GLRA1: variants seen among roughly 807,000 people sequenced by gnomAD.
GLRA1 encodes glycine receptor alpha 1.
In GLRA1, 37 loss-of-function variants were observed where a neutral mutation model predicts 48.3. The ratio of observed to expected loss-of-function variants is 0.77; its 90% CI spans 0.59 to 1.01. The LOEUF (loss-of-function observed/expected upper bound fraction) is 1.01. GLRA1 is among the 50% of genes least tolerant of loss of function. GLRA1 has a pLI of 0.00. For synonymous variants in GLRA1, 196 were observed against 210.7 expected, an observed-to-expected ratio of 0.93 and a Z score of 0.60; for missense variants, 427 against 571.0, an observed-to-expected ratio of 0.75 and a Z score of 2.57.
intron 1 of GLRA1, among the ~76,000 whole-genome samples, chr5:151,904,330 C>T (rs545271741): frequency 1.3e-5 from 2 of 152,326 alleles, no homozygotes; most frequent in East Asian, 3.9e-4. Context: ...CCACTGCTTT[C>T]TGCTGCTTGT....
intron 2 of GLRA1, among the ~76,000 whole-genome samples, chr5:151,891,691 C>T (rs1754073773): frequency 6.6e-6 from 1 of 152,140 alleles, no homozygotes; most frequent in Non-Finnish European, 1.5e-5. Flanking sequence ...GAAATTATGA[C>T]TCTGATTTAG....
At chr5:151,917,660 C>A (rs944636319) in intron 1 of GLRA1, among the ~76,000 whole-genome samples, 1 of 152,146 alleles carries the variant, frequency 6.6e-6, no homozygotes, top group African/African-American at 2.4e-5. Context: ...GTCCTCTTAA[C>A]AAATGTTTGG....
At chr5:151,865,909 C>G (rs1753323263) in intron 3 of GLRA1, among the ~76,000 whole-genome samples, 1 of 152,134 alleles carries the variant, frequency 6.6e-6, no homozygotes, top group South Asian at 2.1e-4. Context: ...GTGAGAAATG[C>G]AGTTCAGAAG....
chr5:151,895,347 T>G (rs1754203546), intron 1 of GLRA1, among the ~76,000 whole-genome samples: 4 of 152,150 alleles, frequency 2.6e-5, no homozygotes, highest in Admixed American at 2.0e-4. Context: ...GATGTGTATA[T>G]TGCATGTGTT....
chr5:151,895,590 C>T (rs568732447), intron 1 of GLRA1, among the ~76,000 whole-genome samples: 1 of 151,546 alleles, frequency 6.6e-6, no homozygotes, highest in African/African-American at 2.4e-5. Context: ...GCACTCAATA[C>T]ATTGTTTTTC....
At chr5:151,903,120 A>G (rs1754402719) in intron 1 of GLRA1, among the ~76,000 whole-genome samples, 1 of 152,238 alleles carries the variant, frequency 6.6e-6, no homozygotes, top group Non-Finnish European at 1.5e-5. Flanking sequence ...TGCATCAGCA[A>G]AACTATAGTA....
chr5:151,864,468 A>G (rs1397281567), intron 3 of GLRA1, among the ~76,000 whole-genome samples: 1 of 152,334 alleles, frequency 6.6e-6, no homozygotes, highest in East Asian at 1.9e-4. Flanking sequence ...GTGTCCCAGG[A>G]GCAGGGCCAG....
At chr5:151,882,861 G>A (rs1444292147) in intron 3 of GLRA1, among the ~76,000 whole-genome samples, 1 of 151,912 alleles carries the variant, frequency 6.6e-6, no homozygotes, top group Non-Finnish European at 1.5e-5. Context: ...TAACATCATT[G>A]ACAGGTTATT....
At chr5:151,850,717 T>C in intron 7 of GLRA1, 3 of 1,132,762 alleles carry the variant, frequency 2.6e-6, no homozygotes, top group Non-Finnish European at 4.0e-6. Flanking sequence ...CTGCGAACCC[T>C]TTTCGGTGAC....
chr5:151,853,261 T>C (rs1752954241), intron 6 of GLRA1, among the ~76,000 whole-genome samples: 1 of 152,172 alleles, frequency 6.6e-6, no homozygotes, highest in South Asian at 2.1e-4. Context: ...TTTTTTTCTT[T>C]TTTGAGATAG....
At chr5:151,892,221 T>C (rs1206102042) in intron 2 of GLRA1, 90 bp downstream of exon 2, 1 of 1,181,382 alleles carries the variant, frequency 8.5e-7, no homozygotes, top group East Asian at 2.3e-5. Context: ...TCACACTGCG[T>C]ATTTACCATC....
intron 3 of GLRA1, among the ~76,000 whole-genome samples, chr5:151,864,009 GGCC>G (rs1753270065): frequency 1.3e-5 from 2 of 152,170 alleles, no homozygotes; most frequent in Non-Finnish European, 2.9e-5. Flanking sequence ...AAGAACTTCA[GGCC>G]TGGCCTGAGT....
At chr5:151,850,540 T>A in intron 7 of GLRA1, 4 of 1,115,446 alleles carry the variant, frequency 3.6e-6, no homozygotes, top group Non-Finnish European at 5.5e-6. Context: ...ACGCTTATGA[T>A]CCCAAGGGAG....
intron 1 of GLRA1, among the ~76,000 whole-genome samples, chr5:151,902,952 G>A (rs1283774022): frequency 6.6e-6 from 1 of 152,060 alleles, no homozygotes; most frequent in Admixed American, 6.6e-5. Context: ...TGCTTTCCAG[G>A]GGCTCTCAAA....
chr5:151,874,265 CAATA>C (rs1021638472), intron 3 of GLRA1, among the ~76,000 whole-genome samples: 1 of 152,072 alleles, frequency 6.6e-6, no homozygotes, highest in African/African-American at 2.4e-5. Context: ...GATGAAAGAC[CAATA>C]AATAAATTAC....
At chr5:151,833,788 G>A (rs10065313) in intron 7 of GLRA1, among the ~76,000 whole-genome samples, 49,665 of 125,634 alleles carry the variant, frequency 0.4, 9,954 homozygotes, top group African/African-American at 0.45. Context: ...TACCAAGGAA[G>A]TGGAAAGCAA....
chr5:151,899,110 C>T (rs1323930559), intron 1 of GLRA1, among the ~76,000 whole-genome samples: 2 of 152,152 alleles, frequency 1.3e-5, no homozygotes, highest in East Asian at 1.9e-4. Flanking sequence ...CTGTCTTGTT[C>T]AGTGCCTGGC....
In GLRA1 at chr5:151,843,510, C is replaced by T. The variant is rs112802843; in HGVS notation, c.912+7880G>A. 4.4e-3 allele frequency among the ~76,000 whole-genome samples: 672 copies of T among 152,164 alleles called. 4 individuals carry two copies. Among genetic ancestry groups the T allele is most frequent in the African/African-American group, 0.016 (649 of 41,504 alleles). On this transcript the variant is annotated intron_variant, in intron 7 of 8. Transcript: ENST00000274576. The stretch of plus-strand genomic sequence containing the variant: ...TCTCCTGACCTTGTGATCTGCCCAC[C>T]TCAGCCTCCCAAAGTGCTGGGATTA...
chr5:151,899,290 G>C (rs144320110), intron 1 of GLRA1, among the ~76,000 whole-genome samples: 132 of 152,276 alleles, frequency 8.7e-4, no homozygotes, highest in African/African-American at 3.1e-3. Flanking sequence ...AGTATTTGAG[G>C]GGAAGGCGGG....
Sources: gnomAD v4.1 joint callset for allele counts (sites outside exome capture counted in the v4.1 genomes callset) on GRCh38, gnomAD v4.1.1 for gene constraint, MANE v1.5 for transcripts, NCBI Gene and HGNC (gene_info 2026-07-23, HGNC 2026-07-21) for gene names.